DLGAP1: variants seen among roughly 807,000 people sequenced by gnomAD.
DLGAP1 encodes the protein DLG associated protein 1.
In DLGAP1, 11 loss-of-function variants were observed where a neutral mutation model predicts 90.8. The ratio of observed to expected loss-of-function variants is 0.12; its 90% CI spans 0.08 to 0.20. The LOEUF (loss-of-function observed/expected upper bound fraction) is 0.20. Among genes scored for constraint, DLGAP1 ranks in the 10% least tolerant of loss-of-function variants. The pLI, the probability that DLGAP1 is intolerant of heterozygous loss-of-function variation, is 1.00. For synonymous variants in DLGAP1, 558 were observed against 540.7 expected, an observed-to-expected ratio of 1.03 and a Z score of -0.44; for missense variants, 1,050 against 1,333.8, an observed-to-expected ratio of 0.79 and a Z score of 3.31.
At chr18:4,003,557 T>G in intron 3 of DLGAP1, among the ~76,000 whole-genome samples, 1 of 152,236 alleles carries the variant, frequency 6.6e-6, no homozygotes, top group Admixed American at 6.5e-5. Flanking sequence ...TATTTCATTT[T>G]ACAGGTAGAG....
chr18:4,110,514 A>G (rs2075954470), intron 2 of DLGAP1, among the ~76,000 whole-genome samples: 1 of 152,196 alleles, frequency 6.6e-6, no homozygotes, highest in Non-Finnish European at 1.5e-5. Flanking sequence ...CATAAAAAAT[A>G]CTGTGCACAG....
intron 9 of DLGAP1, among the ~76,000 whole-genome samples, chr18:3,557,146 T>C (rs1478873938): frequency 6.6e-6 from 1 of 152,206 alleles, no homozygotes; most frequent in Non-Finnish European, 1.5e-5. Context: ...GATGTGAAAT[T>C]GTTCTTCTTT....
intron 1 of DLGAP1, among the ~76,000 whole-genome samples, chr18:4,299,104 A>AAAAAAAAAAAAAAAAAC (rs1555779074): frequency 1.5e-5 from 2 of 131,754 alleles, no homozygotes; most frequent in African/African-American, 2.7e-5. Flanking sequence ...AAAAAAAAAA[A>AAAAAAAAAAAAAAAAAC]AAAAAATAGA....
At chr18:3,543,955 C>T (rs1038018749) in intron 9 of DLGAP1, among the ~76,000 whole-genome samples, 1 of 151,312 alleles carries the variant, frequency 6.6e-6, no homozygotes, top group Non-Finnish European at 1.5e-5. Context: ...GCATGACTAT[C>T]CAAGACTGGG....
intron 4 of DLGAP1, among the ~76,000 whole-genome samples, chr18:3,825,468 T>G (rs538942466): frequency 6.7e-4 from 102 of 152,348 alleles, no homozygotes; most frequent in African/African-American, 2.5e-3. Flanking sequence ...CATCTCTACA[T>G]TCCTTGTAAT....
intron 4 of DLGAP1, among the ~76,000 whole-genome samples, chr18:3,852,753 C>T (rs2069415340): frequency 1.3e-5 from 2 of 151,978 alleles, no homozygotes; most frequent in Non-Finnish European, 2.9e-5. Flanking sequence ...TGAGACAATC[C>T]TATGTGCTTT....
At chr18:3,513,817 A>G (rs2050676707) in intron 10 of DLGAP1, among the ~76,000 whole-genome samples, 2 of 152,310 alleles carry the variant, frequency 1.3e-5, no homozygotes, top group Middle Eastern at 6.8e-3. Flanking sequence ...GCCATTTAGA[A>G]GAGAGCATAC....
chr18:3,886,147 C>T (rs938415477), intron 3 of DLGAP1, among the ~76,000 whole-genome samples: 10 of 152,112 alleles, frequency 6.6e-5, no homozygotes, highest in Non-Finnish European at 8.8e-5. Context: ...CAGGCAATTG[C>T]GACTTACTTT....
At chr18:3,593,754 A>AT (rs1171869804) in intron 7 of DLGAP1, 1 of 152,214 alleles carries the variant, frequency 6.6e-6, no homozygotes, top group Non-Finnish European at 1.5e-5. Context: ...AACTGATAGC[A>AT]GCCGCCTCTT....
intron 2 of DLGAP1, among the ~76,000 whole-genome samples, chr18:4,033,823 T>C (rs934844186): frequency 1.1e-4 from 17 of 149,348 alleles, no homozygotes; most frequent in Non-Finnish European, 2.4e-4. Context: ...CACTGCAACC[T>C]CTGCCTCCCG....
intron 8 of DLGAP1, chr18:3,580,130 A>G (rs1372054060): frequency 1.8e-6 from 2 of 1,111,634 alleles, no homozygotes; most frequent in Non-Finnish European, 1.4e-6. Context: ...GAGAACAAAA[A>G]TAATAGCTGC....
intron 7 of DLGAP1, among the ~76,000 whole-genome samples, chr18:3,613,925 T>C (rs2145930942): frequency 6.6e-6 from 1 of 151,970 alleles, no homozygotes; most frequent in South Asian, 2.1e-4. Flanking sequence ...GTAACAGTTG[T>C]TACTTTTTTT....
At chr18:4,009,600 C>T (rs930714310) in intron 2 of DLGAP1, among the ~76,000 whole-genome samples, 2 of 152,166 alleles carry the variant, frequency 1.3e-5, no homozygotes, top group African/African-American at 4.8e-5. Context: ...CATAACATGC[C>T]CATGGCAGGA....
chr18:4,237,058 T>C (rs1199439838), intron 1 of DLGAP1, among the ~76,000 whole-genome samples: 1 of 152,170 alleles, frequency 6.6e-6, no homozygotes, highest in Admixed American at 6.5e-5. Context: ...TCTCCACTCT[T>C]CTCAGAGTTC....
chr18:3,562,477 G>A (rs2054187668), intron 9 of DLGAP1, among the ~76,000 whole-genome samples: 1 of 151,672 alleles, frequency 6.6e-6, no homozygotes, highest in Admixed American at 6.6e-5. Context: ...ATAACGAGTG[G>A]GTCTCATGAG....
chr18:4,330,325 TA>T (rs1426183521), intron 1 of DLGAP1, among the ~76,000 whole-genome samples: 2 of 150,974 alleles, frequency 1.3e-5, no homozygotes, highest in Non-Finnish European at 2.9e-5. Context: ...TTGTTTTCTT[TA>T]AATTTATTTT....
intron 2 of DLGAP1, among the ~76,000 whole-genome samples, chr18:4,110,405 A>G (rs1175262816): frequency 6.6e-6 from 1 of 152,204 alleles, no homozygotes; most frequent in African/African-American, 2.4e-5. Flanking sequence ...GGTAATATGG[A>G]TTACTCTTAA....
At chr18:4,266,469 C>T (rs770948867) in intron 1 of DLGAP1, among the ~76,000 whole-genome samples, 12 of 152,176 alleles carry the variant, frequency 7.9e-5, no homozygotes, top group Non-Finnish European at 1.5e-4. Flanking sequence ...GCTAGATCAA[C>T]GGGGAGCACA....
intron 3 of DLGAP1, among the ~76,000 whole-genome samples, chr18:3,912,938 A>T (rs1488501942): frequency 2.0e-5 from 3 of 152,194 alleles, no homozygotes; most frequent in Non-Finnish European, 4.4e-5. Context: ...CAGAACCATA[A>T]GCTATTTATA....
Sources: gnomAD v4.1 joint callset for allele counts (sites outside exome capture counted in the v4.1 genomes callset) on GRCh38, gnomAD v4.1.1 for gene constraint, MANE v1.5 for transcripts, NCBI Gene and HGNC (gene_info 2026-07-23, HGNC 2026-07-21) for gene names.